The following AGMO variants were observed in gnomAD, a reference collection of about 807,000 sequenced individuals.
AGMO encodes the protein alkylglycerol monooxygenase.
In AGMO, 75 loss-of-function variants were observed where a neutral mutation model predicts 60.2. That is an observed-to-expected ratio of 1.25 (90% confidence interval 1.03 to 1.51). The LOEUF (loss-of-function observed/expected upper bound fraction) is 1.51. AGMO is among the 40% of genes most tolerant of loss of function. AGMO has a pLI of 0.00. For missense variants in AGMO, 763 were observed against 525.5 expected (o/e 1.45, Z -4.42); for synonymous variants, 261 against 177.1 (o/e 1.47, Z -3.76).
intron 10 of AGMO, among the ~76,000 whole-genome samples, chr7:15,384,138 C>T (rs1055691742): frequency 6.6e-6 from 1 of 151,984 alleles, no homozygotes; most frequent in African/African-American, 2.4e-5. Context: ...GTGGTTTCAC[C>T]GTATTAGCCA....
At chr7:15,168,233 T>C in the AGMO span, among the ~76,000 whole-genome samples, 2 of 152,174 alleles carry the variant, frequency 1.3e-5, no homozygotes, top group Non-Finnish European at 2.9e-5. Flanking sequence ...GTACACCTAC[T>C]GAAGGGAGAG....
chr7:15,272,488 C>A (rs1051821671), intron 12 of AGMO, among the ~76,000 whole-genome samples: 2 of 151,956 alleles, frequency 1.3e-5, no homozygotes, highest in Non-Finnish European at 2.9e-5. Flanking sequence ...CATAGTATTC[C>A]ATGGTGTATA....
At chr7:15,229,729 T>A (rs1563045077) in intron 12 of AGMO, among the ~76,000 whole-genome samples, 9 of 135,172 alleles carry the variant, frequency 6.7e-5, no homozygotes, top group Admixed American at 5.9e-4. Context: ...TATATATAAA[T>A]TATATATTAT....
intron 12 of AGMO, among the ~76,000 whole-genome samples, chr7:15,267,384 C>T (rs577374289): frequency 6.6e-6 from 1 of 151,828 alleles, no homozygotes; most frequent in Non-Finnish European, 1.5e-5. Context: ...TGTTTTTAAA[C>T]ATCATGAAAA....
intron 3 of AGMO, among the ~76,000 whole-genome samples, chr7:15,469,454 G>A (rs1424793661): frequency 2.6e-5 from 4 of 152,210 alleles, no homozygotes; most frequent in Admixed American, 1.3e-4. Context: ...TTGATTATCT[G>A]ACTAAATAAC....
intron 3 of AGMO, among the ~76,000 whole-genome samples, chr7:15,482,770 G>C (rs1426065523): frequency 6.6e-6 from 1 of 152,132 alleles, no homozygotes; most frequent in Non-Finnish European, 1.5e-5. Context: ...TATACAAAAA[G>C]GATAGTATGG....
intron 12 of AGMO, among the ~76,000 whole-genome samples, chr7:15,329,890 G>A (rs1167264317): frequency 1.3e-5 from 2 of 152,070 alleles, no homozygotes; most frequent in African/African-American, 4.8e-5. Context: ...GTTGAGCTGC[G>A]GGTCTCTAAA....
chr7:15,274,841 T>A (rs547713539), intron 12 of AGMO, among the ~76,000 whole-genome samples: 3 of 152,098 alleles, frequency 2.0e-5, no homozygotes, highest in South Asian at 4.2e-4. Flanking sequence ...TTTGTGCACA[T>A]AGAGATGTTT....
chr7:15,271,282 G>T (rs1430891938), intron 12 of AGMO, among the ~76,000 whole-genome samples: 2 of 152,086 alleles, frequency 1.3e-5, no homozygotes, highest in Non-Finnish European at 2.9e-5. Context: ...TAACGATATT[G>T]ATTCTTCCAT....
At position 15,394,095 on chromosome 7, in the gene AGMO, G is replaced by C. The variant is rs778408810; in HGVS notation, c.676+18C>G. 1 of 1,584,380 alleles carries C rather than the reference G, an allele frequency of 6.3e-7. No individual in the cohort carries two copies. Among genetic ancestry groups the C allele is most frequent in the Non-Finnish European group, 8.6e-7 (1 of 1,156,568 alleles). ...TTAGAGAAATGAAGAAAAGAGAGAAGAAACAAAACTTCCTTACCATGATGA... is the reference window on the plus strand; with the variant it reads ...TTAGAGAAATGAAGAAAAGAGAGAACAAACAAAACTTCCTTACCATGATGA... On this transcript the variant is annotated intron_variant, in intron 6 of 12. Transcript: ENST00000342526.
chr7:15,512,810 T>C (rs986749932), intron 3 of AGMO, among the ~76,000 whole-genome samples: 2 of 152,164 alleles, frequency 1.3e-5, no homozygotes, highest in Non-Finnish European at 2.9e-5. Context: ...AAACCGCACT[T>C]TATTCTCTAT....
chr7:15,154,662 T>G, the AGMO span, among the ~76,000 whole-genome samples: 1 of 152,216 alleles, frequency 6.6e-6, no homozygotes. Context: ...AGCTGGTTGT[T>G]ATATAGACTT....
At chr7:15,164,951 C>A in the AGMO span, among the ~76,000 whole-genome samples, 7 of 152,230 alleles carry the variant, frequency 4.6e-5, no homozygotes, top group East Asian at 1.4e-3. Flanking sequence ...TGTATCACAG[C>A]ACTATTCACA....
chr7:15,521,936 T>C (rs1358154258), intron 3 of AGMO, among the ~76,000 whole-genome samples: 1 of 152,196 alleles, frequency 6.6e-6, no homozygotes, highest in Non-Finnish European at 1.5e-5. Flanking sequence ...TATGATTGTA[T>C]ATTTAGAAAA....
At chr7:15,425,699 C>CA (rs1486810940) in intron 4 of AGMO, among the ~76,000 whole-genome samples, 1 of 152,172 alleles carries the variant, frequency 6.6e-6, no homozygotes, top group African/African-American at 2.4e-5. Context: ...CTCAGCCTCC[C>CA]AAAGTACTGG....
chr7:15,367,051 C>T (rs1783015268), intron 10 of AGMO, among the ~76,000 whole-genome samples: 1 of 151,898 alleles, frequency 6.6e-6, no homozygotes, highest in African/African-American at 2.4e-5. Flanking sequence ...AAATTCTTTA[C>T]ATTCTGTATA....
chr7:15,166,361 T>A, the AGMO span, among the ~76,000 whole-genome samples: 6 of 151,794 alleles, frequency 4.0e-5, no homozygotes, highest in Admixed American at 3.3e-4. Context: ...GGCAGCTGGG[T>A]GTGTGGTATA....
chr7:15,493,618 G>A (rs570826784), intron 3 of AGMO, among the ~76,000 whole-genome samples: 3 of 151,560 alleles, frequency 2.0e-5, no homozygotes, highest in Non-Finnish European at 2.9e-5. Context: ...CTCGTGATCC[G>A]CCCGCCTCGG....
At chr7:15,265,802 A>C (rs1783414483) in intron 12 of AGMO, among the ~76,000 whole-genome samples, 1 of 152,060 alleles carries the variant, frequency 6.6e-6, no homozygotes, top group Admixed American at 6.6e-5. Context: ...AAAGAATTGA[A>C]AGCCATGTCT....
Sources: allele counts gnomAD v4.1 joint callset (sites outside exome capture counted in the v4.1 genomes callset), GRCh38; gene constraint gnomAD v4.1.1; transcripts MANE v1.5; gene names NCBI Gene and HGNC (gene_info 2026-07-23, HGNC 2026-07-21).